PQBP1: variants seen among roughly 807,000 people sequenced by gnomAD.
PQBP1 encodes the protein polyglutamine-binding protein 1.
In PQBP1, 3 loss-of-function variants were observed where a neutral mutation model predicts 20.9. That is an observed-to-expected ratio of 0.14 (90% confidence interval 0.07 to 0.37). The LOEUF is 0.37. Among genes scored for constraint, PQBP1 ranks in the 10% least tolerant of loss-of-function variants. The pLI is 1.00. For synonymous variants in PQBP1, 83 were observed against 93.8 expected (o/e 0.88, Z 0.67); for missense variants, 162 against 240.3 (o/e 0.67, Z 2.16).
chrX:48,903,100 G>A lies in PQBP1; in HGVS notation c.*16G>A. The A allele has an allele frequency of 8.4e-7, 1 of 1,196,283 alleles. No homozygotes were observed. The highest frequency in any genetic ancestry group is 1.1e-6 in the Non-Finnish European group (1 of 887,374). ...GCAGGATTGAAGCTTCGGCCTCCCT[G>A]GCCCTGGGTTAAAATAAAAGCTTTC... On this transcript the variant is annotated 3_prime_UTR_variant, in exon 7 of 7. Transcript: ENST00000447146.
chrX:48,898,410 T>A, intron 1 of PQBP1, 82 bp from the exon 2 acceptor site: 1 of 882,961 alleles, frequency 1.1e-6, no homozygotes, highest in Non-Finnish European at 1.7e-6. Flanking sequence ...GATGAGTACA[T>A]GTTTACGGGA....
chrX:48,898,241 G>A, intron 1 of PQBP1, 159 bp downstream of exon 1: 1 of 883,254 alleles, frequency 1.1e-6, no homozygotes, highest in Non-Finnish European at 1.6e-6. Context: ...GCTGTGGGCG[G>A]AGCCTGGGCC....
intron 5 of PQBP1, 27 bp from the exon 6 acceptor site, chrX:48,902,705 G>A: frequency 8.4e-7 from 1 of 1,192,353 alleles, no homozygotes; most frequent in Non-Finnish European, 1.1e-6. Context: ...TGCCTCTATT[G>A]AAGACTTTGC....
chrX:48,902,642 C>T (rs2063440499), intron 5 of PQBP1, 90 bp from the exon 6 acceptor site: 1 of 1,147,912 alleles, frequency 8.7e-7, no homozygotes, highest in Non-Finnish European at 1.2e-6. Context: ...ACATGGCAGC[C>T]AGGGGCTTCA....
Position 48,898,083 on chromosome X carries a change from G to A in PQBP1, c.-19+1G>A. On this transcript the variant is annotated splice_donor_variant, in intron 1 of 6. Transcript: ENST00000447146. LOFTEE classifies it low-confidence loss of function (5UTR_SPLICE). ...TTCCACTACCTGCACGAGTGTATTG[G>A]TAACGTTGGGGTGGGTGCACTCTTT... The A allele has an allele frequency of 2.9e-6, 3 of 1,029,301 alleles. No individual in the cohort carries two copies. The highest frequency in any genetic ancestry group is 3.7e-6 in the Non-Finnish European group (3 of 805,472). 84.8% of individuals were successfully genotyped at this position (1,029,301 alleles called of 1,213,427 possible). A position where few individuals can be genotyped will look rare whatever the true frequency, so the allele number is the denominator to read the frequency against.
In PQBP1 at chrX:48,898,557, C is replaced by T; in HGVS notation, c.48C>T (p.Ile16=). Residue 16 remains isoleucine, a synonymous_variant, in exon 2 of 7, where the codon ATC becomes ATT. Transcript: ENST00000447146. The part of the protein sequence containing the change: ...ALQTRLAKRG[I]LKHLEPEPEE... ...AGACCCGCTTGGCCAAGAGAGGCAT[C>T]CTCAAACATCTGGAGCCTGGTGAGA... 2 of 1,210,433 alleles carry T rather than the reference C, an allele frequency of 1.7e-6. No individual in the cohort carries two copies. Among genetic ancestry groups the T allele is most frequent in the Non-Finnish European group, 2.2e-6 (2 of 894,915 alleles).
At chrX:48,899,589 T>C (rs1602321212) in intron 2 of PQBP1, among the ~76,000 whole-genome samples, 1 of 110,959 alleles carries the variant, frequency 9.0e-6, no homozygotes, top group East Asian at 2.8e-4. Context: ...AGACCCTGTC[T>C]GAAAAAAATC....
chrX:48,900,824 C>A (rs1159875648), intron 2 of PQBP1, among the ~76,000 whole-genome samples: 1 of 110,413 alleles, frequency 9.1e-6, no homozygotes, highest in Non-Finnish European at 1.9e-5. Context: ...AACTCCTGAC[C>A]TCGTGATCCA....
At position 48,898,003 on chromosome X, in the gene PQBP1, G is replaced by C. The variant is rs2063334161; in HGVS notation, c.-98G>C. 1 of 974,309 alleles carries C rather than the reference G, an allele frequency of 1.0e-6. No homozygotes were observed. The highest frequency in any genetic ancestry group is 1.3e-6 in the Non-Finnish European group (1 of 744,182). 80.3% of individuals were successfully genotyped at this position (974,309 alleles called of 1,213,427 possible). A position where few individuals can be genotyped will look rare whatever the true frequency, so the allele number is the denominator to read the frequency against. On this transcript the variant is annotated 5_prime_UTR_variant, in exon 1 of 7. Coordinates refer to ENST00000447146, the MANE Select transcript of PQBP1 (RefSeq NM_001032382.2). ...CATTCGGTGTTTTGGGAAGAGAGTCGTGTGGGCCCAGGTATCGTAGCGGCG... is the reference window on the plus strand; with the variant it reads ...CATTCGGTGTTTTGGGAAGAGAGTCCTGTGGGCCCAGGTATCGTAGCGGCG...
chrX:48,901,213 G>C lies in PQBP1; in HGVS notation c.91G>C (p.Glu31Gln). ...EPEPEEEIIAEDYDDDPVDYE... is the reference protein window; with the variant it reads ...EPEPEEEIIAQDYDDDPVDYE... ...AGAACCAGAGGAAGAGATCATTGCC[G>C]AGGACTATGACGATGATCCTGTGGA... The change falls in exon 3 of 7, where the codon GAG (glutamate) becomes CAG (glutamine). Residue 31 changes from glutamate to glutamine, a missense_variant. Physicochemically the swap from Glu to Gln is conservative, Grantham distance 29 (BLOSUM62 2). Coordinates refer to ENST00000447146, the MANE Select transcript of PQBP1 (RefSeq NM_001032382.2). 5 of 1,209,640 alleles carry C rather than the reference G, an allele frequency of 4.1e-6. No homozygotes were observed. The highest frequency in any genetic ancestry group is 5.6e-6 in the Non-Finnish European group (5 of 894,645).
chrX:48,900,784 G>GT (rs1557040898), intron 2 of PQBP1, among the ~76,000 whole-genome samples: 1 of 109,730 alleles, frequency 9.1e-6, no homozygotes, highest in Non-Finnish European at 1.9e-5. Context: ...TCACAGACGG[G>GT]TTTTCACCAT....
At chrX:48,898,785 C>CTTTTTTTTTTTTTTTTTTTTTTT in intron 2 of PQBP1, among the ~76,000 whole-genome samples, 1 of 21,460 alleles carries the variant, frequency 4.7e-5, no homozygotes, top group Non-Finnish European at 7.7e-5. Context: ...ATATTTCATT[C>CTTTTTTTTTTTTTTTTTTTTTTT]TTTTTTTTTT....
chrX:48,901,707 G>A, intron 3 of PQBP1: 1 of 570,833 alleles, frequency 1.8e-6, no homozygotes, highest in Non-Finnish European at 2.7e-6. Flanking sequence ...CCGAACTCCT[G>A]ACCTCAGGTG....
At chrX:48,898,213 AG>A (rs1557040125) in intron 1 of PQBP1, 131 bp downstream of exon 1, 4 of 973,007 alleles carry the variant, frequency 4.1e-6, no homozygotes, top group Non-Finnish European at 5.6e-6. Context: ...TGAAGTGCGG[AG>A]GGGCCGGGCT....
rs781873995 is a variant in PQBP1 at position 48,902,787 on chromosome X, C to T, written c.633C>T (p.Asp211=). The change falls in exon 6 of 7, where the codon GAC becomes GAT. Residue 211 remains aspartate, a synonymous_variant. Coordinates refer to ENST00000447146, the MANE Select transcript of PQBP1 (RefSeq NM_001032382.2). ...LDPMDPSSYS[D]APRGTWSTGL... ...CCATGGACCCTAGCTCATACTCAGA[C>T]GCCCCCCGGTAAGTGACAACCCCTC... 60 of 1,199,205 alleles carry T rather than the reference C, an allele frequency of 5.0e-5. No homozygotes were observed. The highest frequency in any genetic ancestry group is 2.3e-4 in the Middle Eastern group (1 of 4,342).
rs2063443019 is a variant in PQBP1, at chrX:48,902,729, C to T, written c.578-3C>T. 5 of 1,201,740 alleles carry T rather than the reference C, an allele frequency of 4.2e-6. No homozygotes were observed. The highest frequency in any genetic ancestry group is 5.6e-6 in the Non-Finnish European group (5 of 890,704). ...TGAAGACTTTGCCCTGCCACTTCCA[C>T]AGCAGTAAGCCGAAAGGATGAAGAG... is the stretch of plus-strand genomic sequence containing the variant. On this transcript the variant is annotated splice_polypyrimidine_tract_variant and splice_region_variant and intron_variant, in intron 5 of 6. Transcript: ENST00000447146.
At chrX:48,900,284 CTTTTTTTTTT>C (rs1162086780) in intron 2 of PQBP1, among the ~76,000 whole-genome samples, 3 of 32,472 alleles carry the variant, frequency 9.2e-5, no homozygotes, top group Non-Finnish European at 1.6e-4. Context: ...CATTGATTTA[CTTTTTTTTTT>C]TTTTTTTTTT....
Position 48,897,963 on chromosome X carries a change from G to T in PQBP1, c.-138G>T. The stretch of plus-strand genomic sequence containing the variant: ...TTCAGGCTCGGGGAGTGAAGGCCTC[G>T]TTGAGAGAAGGTCTCATTCGGTGTT... On this transcript the variant is annotated 5_prime_UTR_variant, in exon 1 of 7. Coordinates refer to ENST00000447146, the MANE Select transcript of PQBP1 (RefSeq NM_001032382.2). 2 of 897,952 alleles carry T rather than the reference G, an allele frequency of 2.2e-6. No homozygotes were observed. The highest frequency in any genetic ancestry group is 2.6e-5 in the South Asian group (1 of 38,902). 74.0% of individuals were successfully genotyped at this position (897,952 alleles called of 1,213,427 possible). A position where few individuals can be genotyped will look rare whatever the true frequency, so the allele number is the denominator to read the frequency against.
In PQBP1 at chrX:48,898,785, C is replaced by CTTTTTTTTTTTT. The variant is rs34214032; in HGVS notation, c.67+237_67+248dup. On this transcript the variant is annotated intron_variant, in intron 2 of 6. Transcript: ENST00000447146. ...GGGTTGGGGGAATAGATATTTCATT[C>CTTTTTTTTTTTT]TTTTTTTTTTTTTTTTTTTTTTTTT... Among the ~76,000 whole-genome samples the CTTTTTTTTTTTT allele has an allele frequency of 2.8e-4, 6 of 21,460 alleles. 1 individual carries two copies. The highest frequency in any genetic ancestry group is 3.7e-4 in the African/African-American group (2 of 5,413). The allele number at this position is 21,460 out of a possible 115,157, so 18.6% of individuals were successfully genotyped here. A position where few individuals can be genotyped will look rare whatever the true frequency, so the allele number is the denominator to read the frequency against.
Sources: allele counts gnomAD v4.1 joint callset (sites outside exome capture counted in the v4.1 genomes callset), GRCh38; gene constraint gnomAD v4.1.1; transcripts MANE v1.5; gene names NCBI Gene and HGNC (gene_info 2026-07-23, HGNC 2026-07-21).